Variants in PRELID2 observed in about 807,000 individuals in gnomAD.
PRELID2 encodes the protein PRELI domain containing 2.
In PRELID2, 25 loss-of-function variants were observed where a neutral mutation model predicts 28.4. That is an observed-to-expected ratio of 0.88 (90% confidence interval 0.64 to 1.23). The LOEUF is 1.23. Ranked by LOEUF, PRELID2 falls within the 50% of genes most tolerant of loss-of-function variation. The probability of loss-of-function intolerance (pLI) is 0.00; values close to 1 mark genes in which losing one functional copy is unlikely to be tolerated. For synonymous variants in PRELID2, 76 were observed against 71.6 expected (o/e 1.06, Z -0.31); for missense variants, 201 against 214.4 (o/e 0.94, Z 0.39).
At chr5:145,735,887 G>C (rs1434853218) in intron 1 of PRELID2, among the ~76,000 whole-genome samples, 11 of 152,168 alleles carry the variant, frequency 7.2e-5, no homozygotes, top group Admixed American at 6.5e-4. Flanking sequence ...CAGCATGACC[G>C]ACCACATTGT....
chr5:145,653,245 T>C (rs1754331499), intron 1 of PRELID2, among the ~76,000 whole-genome samples: 1 of 152,182 alleles, frequency 6.6e-6, no homozygotes, highest in Non-Finnish European at 1.5e-5. Context: ...CCCAGATTTA[T>C]AAAGCAAGTC....
intron 1 of PRELID2, among the ~76,000 whole-genome samples, chr5:145,635,521 TGAA>T (rs1753988443): frequency 6.6e-6 from 1 of 152,206 alleles, no homozygotes; most frequent in Non-Finnish European, 1.5e-5. Context: ...CATCCCCACT[TGAA>T]GAAGAAACTG....
the PRELID2 span, among the ~76,000 whole-genome samples, chr5:145,416,298 T>G: frequency 6.6e-6 from 1 of 152,056 alleles, no homozygotes; most frequent in Non-Finnish European, 1.5e-5. Flanking sequence ...ACGTTAGACC[T>G]AAAACCATAA....
the PRELID2 span, among the ~76,000 whole-genome samples, chr5:145,372,335 T>G: frequency 3.9e-5 from 6 of 152,250 alleles, no homozygotes; most frequent in South Asian, 1.2e-3. Context: ...TCCATTATTT[T>G]GCATTTGCTG....
the PRELID2 span, among the ~76,000 whole-genome samples, chr5:145,300,509 A>G: frequency 6.6e-6 from 1 of 152,022 alleles, no homozygotes; most frequent in East Asian, 1.9e-4. Flanking sequence ...AAGCTCAATT[A>G]TCTTAAATCT....
At chr5:145,282,562 C>G in the PRELID2 span, among the ~76,000 whole-genome samples, 1 of 151,352 alleles carries the variant, frequency 6.6e-6, no homozygotes, top group East Asian at 1.9e-4. Flanking sequence ...TTCAGCTGCC[C>G]AGGCTGGAGT....
intron 1 of PRELID2, among the ~76,000 whole-genome samples, chr5:145,727,081 TCAAA>T (rs1312977156): frequency 6.6e-6 from 1 of 152,150 alleles, no homozygotes; most frequent in Admixed American, 6.5e-5. Flanking sequence ...TTATTGGTGA[TCAAA>T]CAAAGAAACA....
At chr5:145,530,944 C>T (rs1302167579) in intron 1 of PRELID2, among the ~76,000 whole-genome samples, 2 of 152,112 alleles carry the variant, frequency 1.3e-5, no homozygotes, top group South Asian at 2.1e-4. Flanking sequence ...AAAGTCTTAG[C>T]TTTTTCAAAG....
the PRELID2 span, among the ~76,000 whole-genome samples, chr5:145,291,335 CAGAA>C: frequency 1.7e-5 from 1 of 57,474 alleles, no homozygotes; most frequent in African/African-American, 1.1e-4. Context: ...GACTCTGTTT[CAGAA>C]AAAAAAAAAA....
At chr5:145,622,338 C>G (rs1753784978) in intron 1 of PRELID2, among the ~76,000 whole-genome samples, 1 of 151,986 alleles carries the variant, frequency 6.6e-6, no homozygotes, top group South Asian at 2.1e-4. Context: ...TGACTTATAT[C>G]CCTATAAAGC....
At chr5:145,399,706 C>A in the PRELID2 span, among the ~76,000 whole-genome samples, 1 of 152,204 alleles carries the variant, frequency 6.6e-6, no homozygotes, top group African/African-American at 2.4e-5. Context: ...GAAAGACATA[C>A]CCAAGACTGG....
intron 5 of PRELID2, among the ~76,000 whole-genome samples, chr5:145,781,822 T>C (rs929029501): frequency 8.6e-5 from 13 of 150,466 alleles, no homozygotes; most frequent in Non-Finnish European, 1.5e-5. Flanking sequence ...TTGTTTTTGG[T>C]ATTTCAATGC....
rs56818178 is a variant in PRELID2, at chr5:145,825,225, CAAAAAAAAAAAAAAAAA to C, written c.76-2108_76-2092del. Reference sequence around the variant, plus strand: ...TCGGTGATAGAGTGAGACTCTGTCTCAAAAAAAAAAAAAAAAAAAAAAAAAAAAAAAAAAACTTGGAA... The same window carrying C: ...TCGGTGATAGAGTGAGACTCTGTCTCAAAAAAAAAAAAAAAAAACTTGGAA... On this transcript the variant is annotated intron_variant, in intron 1 of 6. Transcript: ENST00000683046. Among the ~76,000 whole-genome samples, 45 of 60,428 alleles carry C rather than the reference CAAAAAAAAAAAAAAAAA, an allele frequency of 7.4e-4. No homozygotes were observed. In the South Asian group the frequency reaches 0.021, roughly 28 times the overall value. 39.6% of individuals were successfully genotyped at this position (60,428 alleles called of 152,430 possible). A position where few individuals can be genotyped will look rare whatever the true frequency, so the allele number is the denominator to read the frequency against.
intron 1 of PRELID2, among the ~76,000 whole-genome samples, chr5:145,578,785 G>A (rs1561509631): frequency 1.3e-5 from 2 of 152,034 alleles, no homozygotes; most frequent in Non-Finnish European, 2.9e-5. Flanking sequence ...ACAATACTAT[G>A]CACTGAATAC....
chr5:145,764,101 A>G (rs2149768729), intron 6 of PRELID2, among the ~76,000 whole-genome samples: 1 of 152,292 alleles, frequency 6.6e-6, no homozygotes, highest in South Asian at 2.1e-4. Context: ...TCAAACAAAC[A>G]AAAACAAAAA....
the PRELID2 span, among the ~76,000 whole-genome samples, chr5:145,418,680 T>G: frequency 6.6e-6 from 1 of 152,154 alleles, no homozygotes; most frequent in Admixed American, 6.5e-5. Context: ...GGAGAACTGG[T>G]TAGCCATATG....
At chr5:145,461,244 G>C in the PRELID2 span, among the ~76,000 whole-genome samples, 1 of 152,150 alleles carries the variant, frequency 6.6e-6, no homozygotes, top group Non-Finnish European at 1.5e-5. Context: ...GTTTAGAATT[G>C]ATTGGTTCAA....
At chr5:145,479,766 A>G (rs1752139327) in intron 1 of PRELID2, among the ~76,000 whole-genome samples, 2 of 152,134 alleles carry the variant, frequency 1.3e-5, no homozygotes, top group African/African-American at 4.8e-5. Flanking sequence ...TGGTCTTCCA[A>G]TTTTCTGAAA....
intron 5 of PRELID2, among the ~76,000 whole-genome samples, chr5:145,765,573 C>T (rs1309721643): frequency 1.3e-5 from 2 of 152,120 alleles, no homozygotes; most frequent in African/African-American, 2.4e-5. Context: ...GTATGTACAG[C>T]GGTATAAAGA....
Sources: gnomAD v4.1 joint callset for allele counts (sites outside exome capture counted in the v4.1 genomes callset) on GRCh38, gnomAD v4.1.1 for gene constraint, MANE v1.5 for transcripts, NCBI Gene and HGNC (gene_info 2026-07-23, HGNC 2026-07-21) for gene names.